The following ATL3 variants were observed in gnomAD, a reference collection of about 807,000 sequenced individuals.
The protein encoded by ATL3 is atlastin-3.
A neutral mutation model predicts 69.5 loss-of-function variants in ATL3; 49 were observed. That is an observed-to-expected ratio of 0.71 (90% CI 0.56 to 0.89). The LOEUF (loss-of-function observed/expected upper bound fraction) is 0.89, where lower values mean the gene tolerates loss of function less well. Among genes scored for constraint, ATL3 ranks in the 40% least tolerant of loss-of-function variants. The probability of loss-of-function intolerance (pLI) is 0.00; values close to 1 mark genes in which losing one functional copy is unlikely to be tolerated. For missense variants in ATL3, 606 were observed against 645.7 expected (o/e 0.94, Z 0.67); for synonymous variants, 214 against 224.1 (o/e 0.95, Z 0.40).
chr11:63,646,837 A>G (rs1453018441), intron 5 of ATL3, among the ~76,000 whole-genome samples: 1 of 152,100 alleles, frequency 6.6e-6, no homozygotes, highest in East Asian at 1.9e-4. Flanking sequence ...ATGCCTCCCT[A>G]TGGGCTATTC....
rs576408961 is a variant in ATL3 at position 63,634,458 on chromosome 11, G to A, written c.1035+1076C>T. 2.1e-3 allele frequency among the ~76,000 whole-genome samples: 317 copies of A among 151,988 alleles called. 3 individuals carry two copies. Among genetic ancestry groups the A allele is most frequent in the Non-Finnish European group, 1.8e-3 (123 of 67,994 alleles). On this transcript the variant is annotated intron_variant, in intron 10 of 12. Transcript: ENST00000398868. ...GGAGGTGGAGCTTGCAGTGAGCCGA[G>A]ATTGTGCCACTGCACTCCAGCCTGG...
intron 10 of ATL3, among the ~76,000 whole-genome samples, chr11:63,633,393 AT>A (rs895585453): frequency 6.6e-6 from 1 of 152,032 alleles, no homozygotes; most frequent in Non-Finnish European, 1.5e-5. Context: ...GCATCAATTT[AT>A]TTTTTAATTG....
chr11:63,671,294 T>A lies in ATL3; in HGVS notation c.42A>T (p.Gly14=), dbSNP rs1277335708. The A allele has an allele frequency of 6.3e-7, 1 of 1,585,496 alleles. No homozygotes were observed. The highest frequency in any genetic ancestry group is 8.6e-7 in the Non-Finnish European group (1 of 1,167,904). The part of the protein sequence containing the change: ...PQRVAAAASR[G]ADDAMESSKP... ...CAGGGAAAATCGGCGCCTCACCTGC[T>A]CCTCTTGAGGCAGCTGCTGCCACTC... The change falls in exon 1 of 13, where the codon GGA becomes GGT. Residue 14 remains glycine, a synonymous_variant. Coordinates refer to ENST00000398868, the MANE Select transcript of ATL3 (RefSeq NM_015459.5).
At chr11:63,655,576 T>C (rs768416384) in intron 3 of ATL3, among the ~76,000 whole-genome samples, 6 of 151,754 alleles carry the variant, frequency 4.0e-5, no homozygotes, top group Non-Finnish European at 8.8e-5. Context: ...GCCTCCCAAG[T>C]AGCTGGGATT....
intron 3 of ATL3, among the ~76,000 whole-genome samples, chr11:63,656,254 A>G (rs1354971306): frequency 1.3e-5 from 2 of 152,026 alleles, no homozygotes; most frequent in South Asian, 2.1e-4. Flanking sequence ...ATCAAAACAC[A>G]TAATAATTTG....
At chr11:63,655,036 G>A (rs193052823) in intron 3 of ATL3, among the ~76,000 whole-genome samples, 1 of 152,188 alleles carries the variant, frequency 6.6e-6, no homozygotes, top group Non-Finnish European at 1.5e-5. Flanking sequence ...ATGTAGACTT[G>A]TGGATTTTCC....
intron 5 of ATL3, among the ~76,000 whole-genome samples, chr11:63,649,284 G>A (rs1350617586): frequency 3.3e-5 from 5 of 151,922 alleles, no homozygotes; most frequent in Non-Finnish European, 7.4e-5. Context: ...TAATCAGAAG[G>A]CTCTGCATGA....
chr11:63,645,256 A>C (rs1003000356), intron 6 of ATL3, among the ~76,000 whole-genome samples: 9 of 150,918 alleles, frequency 6.0e-5, no homozygotes, highest in Non-Finnish European at 1.0e-4. Context: ...AAATACAAAA[A>C]ATTAGCCGGG....
chr11:63,631,111 T>A lies in ATL3; in HGVS notation c.1468A>T (p.Ile490Phe). Reference protein sequence around the residue: ...LLIALLTWGYIRYSGQYRELG... With the variant: ...LLIALLTWGYFRYSGQYRELG... Reference sequence around the variant, plus strand: ...TCACGATATTGACCAGAATACCTGATGTAGCCCCAGGTGAGGAGTGCTATT... The same window carrying A: ...TCACGATATTGACCAGAATACCTGAAGTAGCCCCAGGTGAGGAGTGCTATT... Residue 490 changes from isoleucine (I) to phenylalanine (F), a missense_variant, in exon 12 of 13, where the codon ATC becomes TTC. Ile to Phe is a conservative substitution (Grantham distance 21, BLOSUM62 0). Transcript: ENST00000398868. 1 of 1,614,184 alleles carries A rather than the reference T, an allele frequency of 6.2e-7. No homozygotes were observed. Among genetic ancestry groups the A allele is most frequent in the Non-Finnish European group, 8.5e-7 (1 of 1,180,032 alleles).
chr11:63,665,389 T>C (rs1278886371), intron 1 of ATL3, among the ~76,000 whole-genome samples: 1 of 150,084 alleles, frequency 6.7e-6, no homozygotes, highest in African/African-American at 2.5e-5. Flanking sequence ...TTGTGTACAG[T>C]GAACTGCACT....
intron 1 of ATL3, among the ~76,000 whole-genome samples, chr11:63,659,823 G>C (rs1940367481): frequency 6.6e-6 from 1 of 151,978 alleles, no homozygotes; most frequent in Non-Finnish European, 1.5e-5. Context: ...GTAAGTCCTA[G>C]CTACTCGGGA....
rs1434780577 is a variant in ATL3 at position 63,634,633 on chromosome 11, C to T, written c.1035+901G>A. 3.9e-5 allele frequency among the ~76,000 whole-genome samples: 6 copies of T among 152,204 alleles called. No individual in the cohort carries two copies. In the East Asian group the frequency reaches 1.2e-3, roughly 29 times the overall value. ...CCCCTTATGTTCAACATATGAAAGT[C>T]AAAAATTATGTTTTAACCAAATGAC... is the stretch of plus-strand genomic sequence containing the variant. On this transcript the variant is annotated intron_variant, in intron 10 of 12. Coordinates refer to ENST00000398868, the MANE Select transcript of ATL3 (RefSeq NM_015459.5).
intron 3 of ATL3, among the ~76,000 whole-genome samples, chr11:63,654,903 A>C (rs1323212428): frequency 2.6e-5 from 4 of 151,940 alleles, no homozygotes; most frequent in Non-Finnish European, 5.9e-5. Flanking sequence ...CTAAAAAAAA[A>C]AAAAAAAGTT....
Position 63,627,429 on chromosome 11 carries a change from G to C in ATL3, c.*1890C>G, listed in dbSNP as rs1007909299. On this transcript the variant is annotated 3_prime_UTR_variant, in exon 13 of 13. Coordinates refer to ENST00000398868, the MANE Select transcript of ATL3 (RefSeq NM_015459.5). ...ATATAAATATGAAACAATATGCTGCGAATTTAGGACTTACAAAAATACTTC... is the reference window on the plus strand; with the variant it reads ...ATATAAATATGAAACAATATGCTGCCAATTTAGGACTTACAAAAATACTTC... 3.3e-5 allele frequency: 5 copies of C among 152,148 alleles called. No homozygotes were observed. The highest frequency in any genetic ancestry group is 1.2e-4 in the African/African-American group (5 of 41,440). The allele number at this position is 152,148 out of a possible 1,614,324, so 9.4% of individuals were successfully genotyped here. A position where few individuals can be genotyped will look rare whatever the true frequency, so the allele number is the denominator to read the frequency against.
intron 1 of ATL3, among the ~76,000 whole-genome samples, chr11:63,662,901 G>T: frequency 6.6e-6 from 1 of 152,172 alleles, no homozygotes; most frequent in East Asian, 1.9e-4. Context: ...GACTTAAGGA[G>T]ACATAGTAAG....
At chr11:63,671,604 G>T, upstream of ATL3, 9 of 1,426,270 alleles carry the variant, frequency 6.3e-6, no homozygotes, top group Non-Finnish European at 8.3e-6. Context: ...GCCACCGCCT[G>T]CCGCGTGTGC....
At chr11:63,671,945 G>A, upstream of ATL3, 1 of 212,510 alleles carries the variant, frequency 4.7e-6, no homozygotes, top group South Asian at 5.2e-5. Context: ...CAGAAGAGAG[G>A]CCTCAACCCT....
chr11:63,649,381 T>A (rs1323136134), intron 5 of ATL3, among the ~76,000 whole-genome samples: 1 of 151,984 alleles, frequency 6.6e-6, no homozygotes, highest in African/African-American at 2.4e-5. Context: ...CCTGACCTCA[T>A]GATTCACCTG....
upstream of ATL3, chr11:63,671,527 C>A: frequency 7.0e-7 from 1 of 1,429,484 alleles, no homozygotes; most frequent in Non-Finnish European, 9.1e-7. Context: ...ACGGACAGCC[C>A]GAGGCGTGGC....
Sources: allele counts gnomAD v4.1 joint callset (sites outside exome capture counted in the v4.1 genomes callset), GRCh38; gene constraint gnomAD v4.1.1; transcripts MANE v1.5; gene names NCBI Gene and HGNC (gene_info 2026-07-23, HGNC 2026-07-21).